The following AGBL4 variants were observed in gnomAD, a reference collection of about 807,000 sequenced individuals.
The protein encoded by AGBL4 is cytosolic carboxypeptidase 6.
Under a neutral mutation model 66.4 loss-of-function variants are expected in AGBL4, and 58 were observed. The observed-to-expected ratio is 0.87, with a 90% CI of 0.71 to 1.09. The LOEUF (loss-of-function observed/expected upper bound fraction) is 1.09, where lower values mean the gene tolerates loss of function less well. AGBL4 is among the 50% of genes least tolerant of loss of function. The pLI, the probability that AGBL4 is intolerant of heterozygous loss-of-function variation, is 0.00. For synonymous variants in AGBL4, 234 were observed against 222.9 expected (o/e 1.05, Z -0.44); for missense variants, 579 against 631.0 (o/e 0.92, Z 0.88).
At chr1:49,147,436 C>A (rs1440307175) in intron 4 of AGBL4, among the ~76,000 whole-genome samples, 1 of 152,120 alleles carries the variant, frequency 6.6e-6, no homozygotes, top group Non-Finnish European at 1.5e-5. Context: ...AACAAGCTAG[C>A]AAGTTGCCAC....
intron 5 of AGBL4, among the ~76,000 whole-genome samples, chr1:48,963,902 C>A (rs972014068): frequency 1.3e-5 from 2 of 152,176 alleles, no homozygotes; most frequent in African/African-American, 4.8e-5. Context: ...TTCAATCATT[C>A]ACCAAACACT....
intron 3 of AGBL4, among the ~76,000 whole-genome samples, chr1:49,546,195 G>A (rs1019250483): frequency 1.3e-5 from 2 of 151,868 alleles, no homozygotes; most frequent in African/African-American, 2.4e-5. Context: ...CCCAGGTCAC[G>A]GCAAATGCTG....
chr1:49,281,592 C>CAGCT (rs1644273449), intron 3 of AGBL4, among the ~76,000 whole-genome samples: 2 of 152,332 alleles, frequency 1.3e-5, no homozygotes, highest in African/African-American at 4.8e-5. Context: ...AATGATAATA[C>CAGCT]AGCTGTATGT....
chr1:49,857,749 A>C (rs1646469989), intron 1 of AGBL4, among the ~76,000 whole-genome samples: 1 of 152,116 alleles, frequency 6.6e-6, no homozygotes, highest in Admixed American at 6.5e-5. Context: ...GGACTTAAAT[A>C]TAAGAACTGA....
At chr1:49,124,943 T>C (rs1645735271) in intron 4 of AGBL4, among the ~76,000 whole-genome samples, 2 of 152,222 alleles carry the variant, frequency 1.3e-5, no homozygotes, top group Non-Finnish European at 2.9e-5. Context: ...GTATGTTTGC[T>C]AGTCTCTTGA....
At chr1:49,398,429 C>G (rs1425534507) in intron 3 of AGBL4, among the ~76,000 whole-genome samples, 1 of 152,040 alleles carries the variant, frequency 6.6e-6, no homozygotes, top group Non-Finnish European at 1.5e-5. Context: ...CACCTCCCCA[C>G]AGGTTCTCAG....
chr1:49,401,491 TC>T (rs1645084801), intron 3 of AGBL4, among the ~76,000 whole-genome samples: 1 of 152,178 alleles, frequency 6.6e-6, no homozygotes, highest in Non-Finnish European at 1.5e-5. Flanking sequence ...TGTTGAACCA[TC>T]TTTGTATACC....
chr1:48,996,149 T>C (rs1660977544), intron 5 of AGBL4, among the ~76,000 whole-genome samples: 1 of 152,250 alleles, frequency 6.6e-6, no homozygotes. Flanking sequence ...TTTGCTGTGA[T>C]GAAAAATACC....
chr1:50,004,599 C>A (rs2119947), intron 1 of AGBL4, among the ~76,000 whole-genome samples: 144,971 of 152,236 alleles, frequency 0.95, 69,391 homozygotes, highest in East Asian at 1. Context: ...AGGACAGGGC[C>A]CCAGACAGAG....
intron 3 of AGBL4, among the ~76,000 whole-genome samples, chr1:49,541,898 T>C (rs1368410245): frequency 2.6e-5 from 4 of 152,132 alleles, no homozygotes; most frequent in Non-Finnish European, 5.9e-5. Context: ...ACTCTGTGTC[T>C]AGCTAATCTG....
At chr1:49,761,393 A>G (rs191021295) in intron 2 of AGBL4, among the ~76,000 whole-genome samples, 27 of 152,312 alleles carry the variant, frequency 1.8e-4, no homozygotes, top group Admixed American at 5.9e-4. Flanking sequence ...CAAAAGGTCA[A>G]TGTAGTCAGA....
intron 2 of AGBL4, among the ~76,000 whole-genome samples, chr1:49,821,896 A>C (rs1347717159): frequency 1.3e-5 from 2 of 152,220 alleles, no homozygotes; most frequent in African/African-American, 4.8e-5. Context: ...ACAAGTTATC[A>C]ATTCTTTTTT....
chr1:49,831,522 G>T (rs1482903476), intron 2 of AGBL4, among the ~76,000 whole-genome samples: 1 of 152,114 alleles, frequency 6.6e-6, no homozygotes, highest in Non-Finnish European at 1.5e-5. Context: ...GACACAATGG[G>T]GTTTTCTAAA....
At chr1:49,903,722 T>C (rs185944846) in intron 1 of AGBL4, among the ~76,000 whole-genome samples, 2 of 152,254 alleles carry the variant, frequency 1.3e-5, no homozygotes, top group Admixed American at 1.3e-4. Flanking sequence ...CTTATAATAA[T>C]TATAGTGATA....
intron 3 of AGBL4, among the ~76,000 whole-genome samples, chr1:49,446,515 C>T (rs1356571835): frequency 6.6e-6 from 1 of 152,100 alleles, no homozygotes; most frequent in Non-Finnish European, 1.5e-5. Context: ...TTAGTGGAGG[C>T]TGTAATGAGG....
intron 1 of AGBL4, among the ~76,000 whole-genome samples, chr1:49,870,022 T>C (rs2148109965): frequency 6.6e-6 from 1 of 152,276 alleles, no homozygotes. Flanking sequence ...TCCCAAACAT[T>C]CCGATTTGAT....
At chr1:48,612,762 C>A (rs527592833) in intron 9 of AGBL4, among the ~76,000 whole-genome samples, 9 of 152,288 alleles carry the variant, frequency 5.9e-5, no homozygotes, top group Admixed American at 1.3e-4. Context: ...TTTAAAAGAA[C>A]TTAAATGAAT....
Position 49,351,455 on chromosome 1 carries a change from GTA to G in AGBL4, c.283-105593_283-105592del, listed in dbSNP as rs148857726. ...CTCTGTATATGTATAGTACACATAT[GTA>G]TATATATATATATATGAATAAACCA... On this transcript the variant is annotated intron_variant, in intron 3 of 13. Transcript: ENST00000371839. Among the ~76,000 whole-genome samples the G allele has an allele frequency of 5.1e-3, 750 of 147,362 alleles. 8 individuals are homozygous for G. Among genetic ancestry groups the G allele is most frequent in the Middle Eastern group, 3.5e-3 (1 of 282 alleles).
chr1:48,734,045 C>T (rs1648605869), intron 6 of AGBL4, among the ~76,000 whole-genome samples: 1 of 152,180 alleles, frequency 6.6e-6, no homozygotes, highest in Admixed American at 6.5e-5. Flanking sequence ...GGTCACCTAC[C>T]AGGCAGGGCA....
Sources: gnomAD v4.1 joint callset for allele counts (sites outside exome capture counted in the v4.1 genomes callset) on GRCh38, gnomAD v4.1.1 for gene constraint, MANE v1.5 for transcripts, NCBI Gene and HGNC (gene_info 2026-07-23, HGNC 2026-07-21) for gene names.